CBLN2: variants seen among roughly 807,000 people sequenced by gnomAD.
CBLN2 encodes cerebellin 2 precursor.
A neutral mutation model predicts 15.0 loss-of-function variants in CBLN2; 7 were observed. The observed-to-expected ratio is 0.47, with a 90% CI of 0.27 to 0.88. CBLN2 has a LOEUF of 0.88. CBLN2 is among the 40% of genes least tolerant of loss of function. CBLN2 has a pLI of 0.14. For missense variants in CBLN2, 242 were observed against 304.5 expected (o/e 0.79, Z 1.53); for synonymous variants, 149 against 135.2 (o/e 1.10, Z -0.71).
rs1331234055 is a variant in CBLN2 at position 72,543,391 on chromosome 18, CCT to C, written c.-167+93_-167+94del. On this transcript the variant is annotated intron_variant, in intron 2 of 4. Transcript: ENST00000269503. The surrounding 1 kb of genome is among the most constrained non-coding windows in gnomAD (Gnocchi z 6.8). The stretch of plus-strand genomic sequence containing the variant: ...TGATTTCCCTTCTCTCTCTCCACCT[CCT>C]CCACCCCTCGATCTGGACCAGGGAG... 2.3e-5 allele frequency: 9 copies of C among 397,600 alleles called. No individual in the cohort carries two copies. Among genetic ancestry groups the C allele is most frequent in the Non-Finnish European group, 4.0e-5 (9 of 225,544 alleles). The allele number at this position is 397,600 out of a possible 1,614,324, so 24.6% of individuals were successfully genotyped here. A position where few individuals can be genotyped will look rare whatever the true frequency, so the allele number is the denominator to read the frequency against.
chr18:72,583,576 T>G (rs1053146295), intron 1 of CBLN2, among the ~76,000 whole-genome samples: 1 of 152,212 alleles, frequency 6.6e-6, no homozygotes, highest in East Asian at 1.9e-4. Context: ...ATTTCATAGA[T>G]TATCATAAAA....
At chr18:72,577,106 C>T (rs2069373245) in intron 1 of CBLN2, among the ~76,000 whole-genome samples, 1 of 148,508 alleles carries the variant, frequency 6.7e-6, no homozygotes, top group Admixed American at 6.7e-5. Context: ...ATTATATGTA[C>T]AAAGAATGTT....
intron 1 of CBLN2, among the ~76,000 whole-genome samples, chr18:72,569,236 G>T (rs2069314932): frequency 1.3e-5 from 2 of 152,034 alleles, no homozygotes; most frequent in Non-Finnish European, 2.9e-5. Flanking sequence ...ATAGTAAAAT[G>T]TTTTAGATGT....
Position 72,632,995 on chromosome 18 carries a change from AC to A in CBLN2, c.15+5329del, listed in dbSNP as rs539865206. Among the ~76,000 whole-genome samples, 438 of 152,312 alleles carry A rather than the reference AC, an allele frequency of 2.9e-3. 1 individual carries two copies. Among genetic ancestry groups the A allele is most frequent in the Middle Eastern group, 0.01 (3 of 294 alleles). Reference sequence around the variant, plus strand: ...AATGCAATGTGATTTTAAACAATTCACTTAGTGTAACTATAGCTCAATTTCC... The same window carrying A: ...AATGCAATGTGATTTTAAACAATTCATTAGTGTAACTATAGCTCAATTTCC... On this transcript the variant is annotated intron_variant, in intron 1 of 2. Transcript: ENST00000581073.
chr18:72,584,994 C>T (rs577321223), intron 1 of CBLN2, among the ~76,000 whole-genome samples: 2 of 152,268 alleles, frequency 1.3e-5, no homozygotes, highest in East Asian at 1.9e-4. Flanking sequence ...CTGTGCACAG[C>T]CAGACACACC....
In CBLN2 at chr18:72,543,374, CTT is replaced by C. The variant is rs2069132992; in HGVS notation, c.-167+110_-167+111del. On this transcript the variant is annotated intron_variant, in intron 2 of 4. Transcript: ENST00000269503. This position sits in a 1 kb window ranked among gnomAD's most constrained non-coding sequence, Gnocchi z 6.8. The stretch of plus-strand genomic sequence containing the variant: ...GCAGCCCCGATCCTACATGATTTCC[CTT>C]CTCTCTCTCCACCTCCTCCACCCCT... 2.5e-6 allele frequency: 1 copy of C among 395,838 alleles called. No individual in the cohort carries two copies. The highest frequency in any genetic ancestry group is 2.1e-5 in the African/African-American group (1 of 48,492). 24.5% of individuals were successfully genotyped at this position (395,838 alleles called of 1,614,324 possible).
intron 1 of CBLN2, among the ~76,000 whole-genome samples, chr18:72,566,438 G>T (rs935659075): frequency 1.3e-5 from 2 of 152,140 alleles, no homozygotes; most frequent in African/African-American, 4.8e-5. Context: ...CAGATAAATA[G>T]ATAAGGAAAA....
chr18:72,618,999 T>A (rs1177328314), intron 1 of CBLN2: 4 of 767,166 alleles, frequency 5.2e-6, no homozygotes, highest in Admixed American at 1.7e-5. Context: ...ATGGTCATCA[T>A]GGATTTGGTA....
chr18:72,614,145 G>A (rs1015450583), intron 1 of CBLN2, among the ~76,000 whole-genome samples: 7 of 152,164 alleles, frequency 4.6e-5, no homozygotes, highest in Admixed American at 2.6e-4. Flanking sequence ...AGCTATGAAT[G>A]AGCTTTACAG....
intron 1 of CBLN2, among the ~76,000 whole-genome samples, chr18:72,564,112 C>T (rs144924528): frequency 1.6e-4 from 24 of 152,166 alleles, no homozygotes; most frequent in African/African-American, 3.1e-4. Context: ...ACCAGATATG[C>T]GGAAATCAAT....
In CBLN2 at chr18:72,541,740, C is replaced by G. The variant is rs558181496; in HGVS notation, c.357+64G>C. On this transcript the variant is annotated intron_variant, in intron 3 of 4. Transcript: ENST00000269503. Reference sequence around the variant, plus strand: ...CGTCCAAGAAGCCTGAACCCCAGCCCGCGCGCGCAGGTCCCCGCCCCTCTC... The same window carrying G: ...CGTCCAAGAAGCCTGAACCCCAGCCGGCGCGCGCAGGTCCCCGCCCCTCTC... 16 of 1,368,528 alleles carry G rather than the reference C, an allele frequency of 1.2e-5. No homozygotes were observed. In the East Asian group the frequency reaches 3.3e-4, roughly 29 times the overall value. The allele number at this position is 1,368,528 out of a possible 1,614,324, so 84.8% of individuals were successfully genotyped here. A position where few individuals can be genotyped will look rare whatever the true frequency, so the allele number is the denominator to read the frequency against.
At chr18:72,552,314 C>A (rs1373681455) in intron 1 of CBLN2, among the ~76,000 whole-genome samples, 11 of 151,986 alleles carry the variant, frequency 7.2e-5, no homozygotes, top group Admixed American at 7.2e-4. Flanking sequence ...GAACTCCTGA[C>A]CTCAGGTGAT....
chr18:72,562,263 A>G (rs1332663172), intron 1 of CBLN2, among the ~76,000 whole-genome samples: 5 of 152,204 alleles, frequency 3.3e-5, no homozygotes, highest in African/African-American at 1.2e-4. Context: ...GGACAAAATT[A>G]TAATTGAGAG....
intron 1 of CBLN2, among the ~76,000 whole-genome samples, chr18:72,595,711 G>A (rs192056085): frequency 4.9e-4 from 75 of 152,188 alleles, no homozygotes; most frequent in Middle Eastern, 3.4e-3. Context: ...CCAATGTTGA[G>A]TGCATATATA....
intron 1 of CBLN2, among the ~76,000 whole-genome samples, chr18:72,633,768 A>T (rs926830029): frequency 1.3e-5 from 2 of 152,166 alleles, no homozygotes; most frequent in African/African-American, 4.8e-5. Flanking sequence ...TTAAACTGCA[A>T]ATTGAATTTT....
intron 1 of CBLN2, among the ~76,000 whole-genome samples, chr18:72,613,372 G>C (rs2069636253): frequency 6.6e-6 from 1 of 152,172 alleles, no homozygotes; most frequent in Non-Finnish European, 1.5e-5. Flanking sequence ...TTATTGGATT[G>C]AAGTGTGCCA....
At chr18:72,544,385 G>T (rs987513482), upstream of CBLN2, 12 of 152,188 alleles carry the variant, frequency 7.9e-5, no homozygotes, top group African/African-American at 2.9e-4. Flanking sequence ...AAATTGCGGT[G>T]TCCGCGCTCG....
chr18:72,590,121 C>T (rs1047389852), intron 1 of CBLN2, among the ~76,000 whole-genome samples: 12 of 152,158 alleles, frequency 7.9e-5, no homozygotes, highest in Non-Finnish European at 7.4e-5. Flanking sequence ...AAAAATTAGC[C>T]GGGCATGGTG....
rs2069712063 is a variant in CBLN2 at position 72,623,073 on chromosome 18, T to C, written c.15+15252A>G. Among the ~76,000 whole-genome samples, 3 of 152,148 alleles carry C rather than the reference T, an allele frequency of 2.0e-5. No individual in the cohort carries two copies. The South Asian group carries it at 6.2e-4, about 32-fold the overall frequency. On this transcript the variant is annotated intron_variant, in intron 1 of 2. Transcript: ENST00000581073. ...GTCATGATCAGAGGCACATCTTACA[T>C]GACAGGAGCAGGAGGAAGAGAGCGA...
Sources: allele counts gnomAD v4.1 joint callset (sites outside exome capture counted in the v4.1 genomes callset), GRCh38; gene constraint gnomAD v4.1.1; non-coding constraint Gnocchi (gnomAD v3.1); transcripts MANE v1.5; gene names NCBI Gene and HGNC (gene_info 2026-07-23, HGNC 2026-07-21).